THRB: variants seen among roughly 807,000 people sequenced by gnomAD.
The protein encoded by THRB is thyroid hormone receptor beta.
THRB carries 12 observed loss-of-function variants against 47.8 expected under a neutral mutation model. That is an observed-to-expected ratio of 0.25 (90% CI 0.16 to 0.41). THRB has a LOEUF of 0.41. Ranked by LOEUF, THRB falls within the 10% of genes least tolerant of loss-of-function variation. THRB has a pLI of 1.00. For missense variants in THRB, 348 were observed against 589.2 expected (o/e 0.59, Z 4.24); for synonymous variants, 218 against 212.2 (o/e 1.03, Z -0.24).
intron 3 of THRB, among the ~76,000 whole-genome samples, chr3:24,257,399 T>A (rs2051408870): frequency 6.6e-6 from 1 of 152,124 alleles, no homozygotes; most frequent in South Asian, 2.1e-4. Context: ...AAACTAAATA[T>A]CTTAATTTTA....
rs948212823 is a variant in THRB at position 24,472,614 on chromosome 3, C to T, written c.-261+22038G>A. Reference sequence around the variant, plus strand: ...GATTCATCTCTGTGTGGAAAGAATGCCAACAGCAACTGTATAAAAGGTTTC... The same window carrying T: ...GATTCATCTCTGTGTGGAAAGAATGTCAACAGCAACTGTATAAAAGGTTTC... On this transcript the variant is annotated intron_variant, in intron 1 of 10. Transcript: ENST00000646209. Among the ~76,000 whole-genome samples, 3 of 152,176 alleles carry T rather than the reference C, an allele frequency of 2.0e-5. No individual in the cohort carries two copies. The South Asian group carries it at 6.2e-4, about 32-fold the overall frequency.
intron 8 of THRB, among the ~76,000 whole-genome samples, chr3:24,139,996 T>A (rs2035229106): frequency 6.6e-6 from 1 of 152,198 alleles, no homozygotes; most frequent in Non-Finnish European, 1.5e-5. Context: ...CAAATTCTAA[T>A]GTGCAAAAAA....
At chr3:24,399,954 T>A (rs2067267762) in intron 1 of THRB, among the ~76,000 whole-genome samples, 1 of 152,144 alleles carries the variant, frequency 6.6e-6, no homozygotes, top group African/African-American at 2.4e-5. Context: ...TTCTCTCAAC[T>A]CTTCTGCTCA....
At chr3:24,184,603 T>G (rs2042334171) in intron 5 of THRB, among the ~76,000 whole-genome samples, 1 of 152,100 alleles carries the variant, frequency 6.6e-6, no homozygotes, top group Admixed American at 6.5e-5. Flanking sequence ...CCAGTATACG[T>G]ATGGGGTACT....
intron 4 of THRB, among the ~76,000 whole-genome samples, chr3:24,221,649 AT>A (rs533768418): frequency 2.6e-5 from 4 of 151,500 alleles, no homozygotes; most frequent in Admixed American, 6.6e-5. Flanking sequence ...CTGAGAAAGA[AT>A]TTTTTTTTCA....
At chr3:24,285,013 A>C (rs558053927) in intron 3 of THRB, among the ~76,000 whole-genome samples, 2,012 of 152,214 alleles carry the variant, frequency 0.013, 47 homozygotes, top group African/African-American at 0.046. Flanking sequence ...CCATTGTGGA[A>C]GTCAGTGTGG....
intron 2 of THRB, among the ~76,000 whole-genome samples, chr3:24,305,543 C>G (rs2057279004): frequency 6.6e-6 from 1 of 152,156 alleles, no homozygotes; most frequent in Non-Finnish European, 1.5e-5. Flanking sequence ...TGATCCAAAA[C>G]TAATTTAGAC....
intron 3 of THRB, among the ~76,000 whole-genome samples, chr3:24,251,427 C>T (rs1223522129): frequency 2.6e-5 from 4 of 151,538 alleles, no homozygotes; most frequent in Non-Finnish European, 5.9e-5. Flanking sequence ...AACAAAACAA[C>T]AAATAGATGA....
At chr3:24,261,463 C>T (rs1327418624) in intron 3 of THRB, among the ~76,000 whole-genome samples, 1 of 142,218 alleles carries the variant, frequency 7.0e-6, no homozygotes, top group Non-Finnish European at 1.5e-5. Flanking sequence ...CGTGCCACTG[C>T]ACTCCAGCCT....
intron 1 of THRB, among the ~76,000 whole-genome samples, chr3:24,355,165 T>C (rs2063595189): frequency 6.6e-6 from 1 of 152,128 alleles, no homozygotes; most frequent in Non-Finnish European, 1.5e-5. Flanking sequence ...TATGATGCAC[T>C]GAGAAGGACA....
chr3:24,138,744 C>T (rs1166654020), intron 8 of THRB, among the ~76,000 whole-genome samples: 1 of 152,194 alleles, frequency 6.6e-6, no homozygotes, highest in African/African-American at 2.4e-5. Flanking sequence ...CCTCATCACT[C>T]ACCCTGTCTG....
chr3:24,378,027 A>C lies in THRB; in HGVS notation c.-260-40656T>G, dbSNP rs146309983. Among the ~76,000 whole-genome samples the C allele has an allele frequency of 2.0e-5, 3 of 152,302 alleles. No homozygotes were observed. The East Asian group carries it at 5.8e-4, about 29-fold the overall frequency. On this transcript the variant is annotated intron_variant, in intron 1 of 10. Transcript: ENST00000646209. ...GTCCCAATTTGCTGATTCTTTGACC[A>C]ATTTTTCTCCTTTTGTTTGCAAGGT...
intron 1 of THRB, among the ~76,000 whole-genome samples, chr3:24,395,687 T>C (rs949628788): frequency 6.6e-6 from 1 of 152,122 alleles, no homozygotes; most frequent in Admixed American, 6.6e-5. Context: ...CGCAACCACT[T>C]TGGAAAACAG....
At chr3:24,433,165 A>T (rs1012638619) in intron 1 of THRB, among the ~76,000 whole-genome samples, 1 of 152,122 alleles carries the variant, frequency 6.6e-6, no homozygotes, top group Non-Finnish European at 1.5e-5. Flanking sequence ...GGGAATAATA[A>T]CAATACCTAT....
chr3:24,436,777 AG>A (rs2071003375), intron 1 of THRB, among the ~76,000 whole-genome samples: 1 of 152,156 alleles, frequency 6.6e-6, no homozygotes, highest in Non-Finnish European at 1.5e-5. Context: ...AAATGCTCTG[AG>A]CACTTCTCAT....
At chr3:24,198,647 G>A (rs1348601022) in intron 4 of THRB, among the ~76,000 whole-genome samples, 1 of 151,940 alleles carries the variant, frequency 6.6e-6, no homozygotes, top group Non-Finnish European at 1.5e-5. Flanking sequence ...CCAGTCTGTG[G>A]TGAGTTCTTT....
intron 1 of THRB, among the ~76,000 whole-genome samples, chr3:24,364,360 G>A (rs2064299267): frequency 6.6e-6 from 1 of 152,142 alleles, no homozygotes; most frequent in Admixed American, 6.6e-5. Flanking sequence ...TTGAAGTATG[G>A]AAGAAAATCA....
At chr3:24,299,023 G>T (rs1010086908) in intron 2 of THRB, among the ~76,000 whole-genome samples, 2 of 151,738 alleles carry the variant, frequency 1.3e-5, no homozygotes, top group African/African-American at 4.8e-5. Flanking sequence ...CCAGGCGGGC[G>T]GATCACGAGG....
At chr3:24,179,297 T>G (rs2041594039) in intron 5 of THRB, among the ~76,000 whole-genome samples, 2 of 151,968 alleles carry the variant, frequency 1.3e-5, no homozygotes, top group South Asian at 4.1e-4. Flanking sequence ...CCAATTCTGA[T>G]AATTGTGCTA....
Sources: allele counts gnomAD v4.1 joint callset (sites outside exome capture counted in the v4.1 genomes callset), GRCh38; gene constraint gnomAD v4.1.1; transcripts MANE v1.5; gene names NCBI Gene and HGNC (gene_info 2026-07-23, HGNC 2026-07-21).